Variants in EXOC4 observed in about 807,000 individuals in gnomAD.
EXOC4 encodes exocyst complex component 4.
In EXOC4, 71 loss-of-function variants were observed where a neutral mutation model predicts 107.2. That is an observed-to-expected ratio of 0.66 (90% CI 0.55 to 0.81). EXOC4 has a LOEUF of 0.81. EXOC4 is among the 30% of genes least tolerant of loss of function. The probability of loss-of-function intolerance (pLI) is 0.00; values close to 1 mark genes in which losing one functional copy is unlikely to be tolerated. For synonymous variants in EXOC4, 456 were observed against 441.2 expected, an observed-to-expected ratio of 1.03 and a Z score of -0.42; for missense variants, 1,108 against 1,189.6, an observed-to-expected ratio of 0.93 and a Z score of 1.01.
intron 14 of EXOC4, among the ~76,000 whole-genome samples, chr7:133,996,289 A>G (rs1794390872): frequency 6.6e-6 from 1 of 152,210 alleles, no homozygotes; most frequent in African/African-American, 2.4e-5. Context: ...AGAAAATTTA[A>G]ATAATTAGCT....
chr7:133,627,565 T>C (rs2151012470), intron 9 of EXOC4, among the ~76,000 whole-genome samples: 1 of 152,320 alleles, frequency 6.6e-6, no homozygotes, highest in Non-Finnish European at 1.5e-5. Flanking sequence ...CTTTCATGAA[T>C]CAATTCTGAC....
intron 9 of EXOC4, among the ~76,000 whole-genome samples, chr7:133,550,115 C>G (rs1018101103): frequency 2.6e-5 from 4 of 152,054 alleles, no homozygotes; most frequent in Non-Finnish European, 5.9e-5. Flanking sequence ...TTGTTGCCTT[C>G]ATTAGGTATT....
intron 9 of EXOC4, among the ~76,000 whole-genome samples, chr7:133,604,706 C>CCTTCTTTTTTTT (rs1191856891): frequency 6.9e-5 from 6 of 87,532 alleles, no homozygotes; most frequent in African/African-American, 2.6e-4. Context: ...TTCCTTCCTT[C>CCTTCTTTTTTTT]TTTCTTTTTT....
chr7:134,087,090 T>C, the EXOC4 span, among the ~76,000 whole-genome samples: 1 of 152,172 alleles, frequency 6.6e-6, no homozygotes, highest in Non-Finnish European at 1.5e-5. Context: ...ATCCTGTGAC[T>C]TAGAATGCCT....
chr7:133,712,126 C>T (rs1467709597), intron 10 of EXOC4, among the ~76,000 whole-genome samples: 1 of 152,082 alleles, frequency 6.6e-6, no homozygotes, highest in Non-Finnish European at 1.5e-5. Context: ...AATAACAAGT[C>T]TTGCCAGGAC....
chr7:133,800,806 A>T (rs1052133334), intron 10 of EXOC4, among the ~76,000 whole-genome samples: 2 of 152,196 alleles, frequency 1.3e-5, no homozygotes, highest in Admixed American at 1.3e-4. Context: ...CAATAACGAT[A>T]CTATAAAGTG....
At chr7:134,085,601 C>T in the EXOC4 span, among the ~76,000 whole-genome samples, 7 of 152,212 alleles carry the variant, frequency 4.6e-5, no homozygotes, top group African/African-American at 1.7e-4. Context: ...CCCAAAAGCA[C>T]ATCTCCTTAG....
intron 2 of EXOC4, among the ~76,000 whole-genome samples, chr7:133,283,975 T>G (rs1794217481): frequency 6.6e-6 from 1 of 152,216 alleles, no homozygotes; most frequent in Non-Finnish European, 1.5e-5. Flanking sequence ...ACTGTGACTT[T>G]CTAATCATAA....
At chr7:133,499,930 G>A (rs1284924369) in intron 9 of EXOC4, among the ~76,000 whole-genome samples, 3 of 152,040 alleles carry the variant, frequency 2.0e-5, no homozygotes, top group Admixed American at 1.3e-4. Flanking sequence ...ACCCAGTCTC[G>A]GGTATTTCTT....
intron 7 of EXOC4, among the ~76,000 whole-genome samples, chr7:133,401,558 A>T (rs932345319): frequency 5.9e-5 from 9 of 151,636 alleles, no homozygotes; most frequent in Admixed American, 2.0e-4. Context: ...GCTACTTGGG[A>T]GTATAAAGTG....
chr7:134,039,748 A>G (rs1795471866), intron 17 of EXOC4, among the ~76,000 whole-genome samples: 1 of 152,124 alleles, frequency 6.6e-6, no homozygotes, highest in African/African-American at 2.4e-5. Flanking sequence ...CTTCTCTCAT[A>G]CAGCAGGTCC....
At chr7:133,385,927 C>T (rs1796716556) in intron 7 of EXOC4, among the ~76,000 whole-genome samples, 1 of 152,116 alleles carries the variant, frequency 6.6e-6, no homozygotes, top group East Asian at 1.9e-4. Flanking sequence ...AGGAATATGG[C>T]CAACCAGGGA....
intron 10 of EXOC4, among the ~76,000 whole-genome samples, chr7:133,668,498 T>C (rs1793867221): frequency 1.3e-5 from 2 of 152,252 alleles, no homozygotes; most frequent in African/African-American, 4.8e-5. Context: ...CATCATCTTA[T>C]ATTATCTTGA....
intron 10 of EXOC4, among the ~76,000 whole-genome samples, chr7:133,680,645 T>G (rs2151067742): frequency 6.6e-6 from 1 of 152,316 alleles, no homozygotes; most frequent in African/African-American, 2.4e-5. Flanking sequence ...CGAATCAAGA[T>G]TTTCAAAGAA....
rs1176799888 is a variant in EXOC4, at chr7:133,449,644, A to G, written c.1183-25684A>G. ...TCTGTATCTAGATAAGTGTTATTTC[A>G]TTGTTTTCCCTGGAAAATGCGGTAA... On this transcript the variant is annotated intron_variant, in intron 7 of 17. Coordinates refer to ENST00000253861, the MANE Select transcript of EXOC4 (RefSeq NM_021807.4). Among the ~76,000 whole-genome samples the G allele has an allele frequency of 2.7e-5, 4 of 150,360 alleles. No homozygotes were observed. The South Asian group carries it at 8.4e-4, about 32-fold the overall frequency.
At chr7:133,775,552 G>A (rs1457407647) in intron 10 of EXOC4, among the ~76,000 whole-genome samples, 1 of 152,168 alleles carries the variant, frequency 6.6e-6, no homozygotes, top group Non-Finnish European at 1.5e-5. Flanking sequence ...TATAACAGGT[G>A]CATCAGCAGG....
chr7:133,522,177 A>C (rs1388896741), intron 9 of EXOC4, among the ~76,000 whole-genome samples: 2 of 152,122 alleles, frequency 1.3e-5, no homozygotes, highest in Admixed American at 1.3e-4. Context: ...AAACCCCTGA[A>C]CTACAGTTGT....
At chr7:133,687,750 T>C (rs1585079639) in intron 10 of EXOC4, among the ~76,000 whole-genome samples, 1 of 152,132 alleles carries the variant, frequency 6.6e-6, no homozygotes, top group African/African-American at 2.4e-5. Flanking sequence ...GTAACATTAA[T>C]ACAAGTGCTA....
chr7:133,870,082 A>T (rs528592641), intron 11 of EXOC4, among the ~76,000 whole-genome samples: 236 of 152,304 alleles, frequency 1.5e-3, no homozygotes, highest in African/African-American at 5.6e-3. Context: ...TATAAGTAAA[A>T]TTCTATACTG....
Sources: gnomAD v4.1 joint callset for allele counts (sites outside exome capture counted in the v4.1 genomes callset) on GRCh38, gnomAD v4.1.1 for gene constraint, MANE v1.5 for transcripts, NCBI Gene and HGNC (gene_info 2026-07-23, HGNC 2026-07-21) for gene names.